COL23A1: variants seen among roughly 807,000 people sequenced by gnomAD.
COL23A1 encodes collagen type XXIII alpha 1 chain.
A neutral mutation model predicts 99.3 loss-of-function variants in COL23A1; 97 were observed. The observed-to-expected ratio is 0.98, with a 90% CI of 0.83 to 1.16. The LOEUF (loss-of-function observed/expected upper bound fraction) is 1.16. COL23A1 is among the 50% of genes most tolerant of loss of function. The probability of loss-of-function intolerance (pLI) is 0.00; values close to 1 mark genes in which losing one functional copy is unlikely to be tolerated. For missense variants in COL23A1, 762 were observed against 757.4 expected (o/e 1.01, Z -0.07); for synonymous variants, 320 against 308.2 (o/e 1.04, Z -0.40).
intron 4 of COL23A1, among the ~76,000 whole-genome samples, chr5:178,290,118 G>A (rs1339024492): frequency 6.6e-6 from 1 of 152,078 alleles, no homozygotes; most frequent in Non-Finnish European, 1.5e-5. Context: ...TTTTAGTAGA[G>A]ACGAGGTCTC....
At chr5:178,443,831 G>T (rs933678904) in intron 2 of COL23A1, among the ~76,000 whole-genome samples, 1 of 151,940 alleles carries the variant, frequency 6.6e-6, no homozygotes, top group African/African-American at 2.4e-5. Flanking sequence ...TAAATAATGG[G>T]ACCTATGTAA....
chr5:178,431,840 C>A (rs1298091303), intron 2 of COL23A1, among the ~76,000 whole-genome samples: 1 of 152,214 alleles, frequency 6.6e-6, no homozygotes, highest in African/African-American at 2.4e-5. Context: ...AATACAGCCA[C>A]CTTCTTGAAT....
At chr5:178,491,077 GGAGAAGA>G (rs368819958) in intron 2 of COL23A1, among the ~76,000 whole-genome samples, 58 of 151,278 alleles carry the variant, frequency 3.8e-4, no homozygotes, top group African/African-American at 1.3e-3. Context: ...GAGGAAAGAA[GGAGAAGA>G]GAGAAGAGAG....
intron 2 of COL23A1, among the ~76,000 whole-genome samples, chr5:178,422,015 G>A (rs1342295986): frequency 1.3e-5 from 2 of 152,164 alleles, no homozygotes; most frequent in African/African-American, 4.8e-5. Flanking sequence ...GGGTCATGTC[G>A]GACATGCCTT....
intron 5 of COL23A1, among the ~76,000 whole-genome samples, chr5:178,274,021 C>T (rs1756445492): frequency 6.6e-6 from 1 of 152,238 alleles, no homozygotes; most frequent in Non-Finnish European, 1.5e-5. Context: ...CCACAGCACA[C>T]TGCCCTGCAG....
Position 178,468,007 on chromosome 5 carries a change from G to C in COL23A1, c.361+92675C>G, listed in dbSNP as rs766325878. Among the ~76,000 whole-genome samples the C allele has an allele frequency of 1.3e-5, 2 of 152,212 alleles. No individual in the cohort carries two copies. Among genetic ancestry groups the C allele is most frequent in the Non-Finnish European group, 2.9e-5 (2 of 68,040 alleles). ...TGAGAAGGAACTGGAAGGCGGCGAT[G>C]CTCTCTGGAGCGGACAGGCGTATTT... is the stretch of plus-strand genomic sequence containing the variant. On this transcript the variant is annotated intron_variant, in intron 2 of 28. Coordinates refer to ENST00000390654, the MANE Select transcript of COL23A1 (RefSeq NM_173465.4). The surrounding 1 kb of genome is among the most constrained non-coding windows in gnomAD (Gnocchi z 4.2).
intron 2 of COL23A1, among the ~76,000 whole-genome samples, chr5:178,545,554 G>T (rs1362963313): frequency 6.6e-6 from 1 of 152,134 alleles, no homozygotes; most frequent in Non-Finnish European, 1.5e-5. Flanking sequence ...TTAACACTCG[G>T]CCTGCCAATA....
At position 178,426,668 on chromosome 5, in the gene COL23A1, C is replaced by T. The variant is rs546087347; in HGVS notation, c.362-119749G>A. The stretch of plus-strand genomic sequence containing the variant: ...GGATCCGAAGCAGCCATTTGAAGAC[C>T]GGACTGTGAGACAAGCCGCAGAGAG... On this transcript the variant is annotated intron_variant, in intron 2 of 28. Transcript: ENST00000390654. 9.3e-4 allele frequency among the ~76,000 whole-genome samples: 141 copies of T among 152,192 alleles called. 3 individuals are homozygous for T. The highest frequency in any genetic ancestry group is 5.2e-4 in the Admixed American group (8 of 15,266).
chr5:178,430,215 C>G (rs575869512), intron 2 of COL23A1, among the ~76,000 whole-genome samples: 1 of 152,156 alleles, frequency 6.6e-6, no homozygotes, highest in Non-Finnish European at 1.5e-5. Flanking sequence ...TCCTGTCTCC[C>G]GAGAACGATC....
rs529460638 is a variant in COL23A1 at position 178,500,960 on chromosome 5, A to G, written c.361+59722T>C. 3.9e-5 allele frequency among the ~76,000 whole-genome samples: 6 copies of G among 152,306 alleles called. No individual in the cohort carries two copies. The South Asian group carries it at 1.2e-3, about 32-fold the overall frequency. On this transcript the variant is annotated intron_variant, in intron 2 of 28. Transcript: ENST00000390654. ...GCGAAATATTTTCAATAGGTGTAAC[A>G]TGACTTCTCGACTAAGGATTAGTAT...
At chr5:178,546,054 C>T (rs73344441) in intron 2 of COL23A1, among the ~76,000 whole-genome samples, 2,060 of 152,092 alleles carry the variant, frequency 0.014, 50 homozygotes, top group African/African-American at 0.047. Context: ...TCCAAGGAGC[C>T]GGGAGGCTGC....
intron 22 of COL23A1, 73 bp downstream of exon 22, chr5:178,247,453 C>T: frequency 6.4e-7 from 1 of 1,559,304 alleles, no homozygotes; most frequent in Middle Eastern, 1.7e-4. Context: ...CTTTGCTTTG[C>T]CCATTGGCAA....
intron 2 of COL23A1, among the ~76,000 whole-genome samples, chr5:178,371,434 C>T (rs749445725): frequency 2.6e-5 from 4 of 152,198 alleles, no homozygotes; most frequent in Non-Finnish European, 4.4e-5. Context: ...GCTCTGGGGT[C>T]GGATGGGCCT....
chr5:178,269,332 T>TATCC (rs1561809574), intron 6 of COL23A1, among the ~76,000 whole-genome samples: 1 of 74,006 alleles, frequency 1.4e-5, no homozygotes, highest in Non-Finnish European at 2.9e-5. Flanking sequence ...TCCATCCATG[T>TATCC]ATCCATCCAT....
intron 2 of COL23A1, among the ~76,000 whole-genome samples, chr5:178,390,818 T>C (rs958980567): frequency 5.9e-5 from 9 of 152,236 alleles, no homozygotes; most frequent in African/African-American, 2.2e-4. Context: ...GACTTAAAAC[T>C]ATCAAACTCT....
intron 2 of COL23A1, among the ~76,000 whole-genome samples, chr5:178,339,839 G>A (rs899664596): frequency 6.6e-6 from 1 of 152,322 alleles, no homozygotes; most frequent in Non-Finnish European, 1.5e-5. Flanking sequence ...AGCTCTGTGG[G>A]GCTGGCAGAG....
In COL23A1 at chr5:178,575,974, G is replaced by A. The variant is rs115112473; in HGVS notation, c.294+13930C>T. On this transcript the variant is annotated intron_variant, in intron 1 of 28. Coordinates refer to ENST00000390654, the MANE Select transcript of COL23A1 (RefSeq NM_173465.4). ...TCAATCCATTGATTCCTCTAGTAGC[G>A]ATGGATAAAAACCCAACTCAAATTG... 8.4e-3 allele frequency among the ~76,000 whole-genome samples: 1,276 copies of A among 152,260 alleles called. 20 individuals carry two copies. The highest frequency in any genetic ancestry group is 0.027 in the African/African-American group (1,137 of 41,550).
intron 5 of COL23A1, among the ~76,000 whole-genome samples, chr5:178,286,762 T>A (rs1017813150): frequency 6.6e-6 from 1 of 152,162 alleles, no homozygotes; most frequent in Non-Finnish European, 1.5e-5. Context: ...CTGGTGTGGC[T>A]GAGAACAAGC....
At chr5:178,534,151 C>A (rs576271628) in intron 2 of COL23A1, among the ~76,000 whole-genome samples, 5 of 152,276 alleles carry the variant, frequency 3.3e-5, no homozygotes, top group African/African-American at 9.6e-5. Flanking sequence ...TTATTTCTTG[C>A]AGTTCTGGAG....
Sources: gnomAD v4.1 joint callset for allele counts (sites outside exome capture counted in the v4.1 genomes callset) on GRCh38, gnomAD v4.1.1 for gene constraint, Gnocchi (gnomAD v3.1) non-coding constraint, MANE v1.5 for transcripts, NCBI Gene and HGNC (gene_info 2026-07-23, HGNC 2026-07-21) for gene names.